POLG2: variants seen among roughly 807,000 people sequenced by gnomAD.
The protein encoded by POLG2 is DNA polymerase gamma 2, accessory subunit, also known as DNA polymerase subunit gamma-2.
A neutral mutation model predicts 56.5 loss-of-function variants in POLG2; 50 were observed. The observed-to-expected ratio is 0.88, with a 90% CI of 0.71 to 1.12. The LOEUF is 1.12. Among genes scored for constraint, POLG2 ranks in the 50% most tolerant of loss-of-function variants. The pLI, the probability that POLG2 is intolerant of heterozygous loss-of-function variation, is 0.00. For missense variants in POLG2, 584 were observed against 583.3 expected, an observed-to-expected ratio of 1.00 and a Z score of -0.01; for synonymous variants, 226 against 222.6, an observed-to-expected ratio of 1.02 and a Z score of -0.14.
intron 7 of POLG2, among the ~76,000 whole-genome samples, chr17:64,478,206 T>C (rs1204079530): frequency 6.6e-6 from 1 of 152,172 alleles, no homozygotes; most frequent in Non-Finnish European, 1.5e-5. Context: ...TGAAAAGTCA[T>C]AAAAGAAAAT....
chr17:64,490,607 A>C, intron 4 of POLG2, 189 bp downstream of exon 4: 1 of 607,700 alleles, frequency 1.6e-6, no homozygotes, highest in Non-Finnish European at 2.9e-6. Flanking sequence ...GCTCTGTGGC[A>C]ATAGTGGATT....
chr17:64,485,349 A>C (rs2037932707), intron 5 of POLG2: 1 of 214,534 alleles, frequency 4.7e-6, no homozygotes, highest in Non-Finnish European at 9.4e-6. Context: ...GAAGCCAGAC[A>C]CCTGGGGCAG....
chr17:64,484,502 T>G (rs2144150117), intron 5 of POLG2, among the ~76,000 whole-genome samples: 1 of 152,212 alleles, frequency 6.6e-6, no homozygotes, highest in Non-Finnish European at 1.5e-5. Context: ...CCTGGAGTGT[T>G]CTGAGCAAAG....
intron 3 of POLG2, chr17:64,491,677 T>C: frequency 8.1e-7 from 1 of 1,227,972 alleles, no homozygotes; most frequent in Non-Finnish European, 1.2e-6. Flanking sequence ...TACATCAACG[T>C]GAAGAAGGGG....
At position 64,480,390 on chromosome 17, in the gene POLG2, C is replaced by T; in HGVS notation, c.1192-1G>A. On this transcript the variant is annotated splice_acceptor_variant, in intron 6 of 7. Coordinates refer to ENST00000539111, the MANE Select transcript of POLG2 (RefSeq NM_007215.4). LOFTEE classifies it high-confidence loss of function. ...ACTCATTAAATAGCCCTTGACAAAC[C>T]TAGAAAGAAATAGAAAAACTTCAAA... 1 of 1,480,974 alleles carries T rather than the reference C, an allele frequency of 6.8e-7. No individual in the cohort carries two copies. The highest frequency in any genetic ancestry group is 9.4e-7 in the Non-Finnish European group (1 of 1,062,080). 91.7% of individuals were successfully genotyped at this position (1,480,974 alleles called of 1,614,324 possible). A position where few individuals can be genotyped will look rare whatever the true frequency, so the allele number is the denominator to read the frequency against.
At chr17:64,485,606 T>G in intron 5 of POLG2, 122 bp downstream of exon 5, 1 of 822,682 alleles carries the variant, frequency 1.2e-6, no homozygotes, top group East Asian at 2.5e-5. Context: ...GAAAAATACT[T>G]AGACTACATG....
chr17:64,478,001 T>C lies in POLG2; in HGVS notation c.1293-13A>G, dbSNP rs782245350. 1.1e-5 allele frequency: 18 copies of C among 1,612,676 alleles called. No individual in the cohort carries two copies. Among genetic ancestry groups the C allele is most frequent in the African/African-American group, 1.3e-5 (1 of 74,994 alleles). Reference sequence around the variant, plus strand: ...CATTTCATCATACCTAAGAAAAAAGTAGTTAAACAGACACATGAGCACAAA... The same window carrying C: ...CATTTCATCATACCTAAGAAAAAAGCAGTTAAACAGACACATGAGCACAAA... On this transcript the variant is annotated splice_polypyrimidine_tract_variant and intron_variant, in intron 7 of 7. Coordinates refer to ENST00000539111, the MANE Select transcript of POLG2 (RefSeq NM_007215.4).
chr17:64,482,118 T>C (rs1372933636), intron 6 of POLG2, among the ~76,000 whole-genome samples: 11 of 145,680 alleles, frequency 7.6e-5, no homozygotes, highest in African/African-American at 2.6e-4. Context: ...TTTTTTTTTT[T>C]TCTGAAGCAG....
intron 1 of POLG2, 80 bp downstream of exon 1, chr17:64,496,327 T>C (rs1367175553): frequency 4.5e-6 from 4 of 891,176 alleles, no homozygotes; most frequent in African/African-American, 3.4e-5. Context: ...ACAGGGCCAG[T>C]TGCAATCCCC....
chr17:64,490,971 T>C lies in POLG2; in HGVS notation c.796-2A>G, dbSNP rs2144187906. ...GAAGTTAGATGGACTCATGGCAAAC[T>C]GGAAAAGAAAATTTAAGTTTGTCTT... On this transcript the variant is annotated splice_acceptor_variant, in intron 3 of 7. Transcript: ENST00000539111. LOFTEE classifies it high-confidence loss of function. The C allele has an allele frequency of 6.2e-7, 1 of 1,611,372 alleles. No individual in the cohort carries two copies. The highest frequency in any genetic ancestry group is 8.5e-7 in the Non-Finnish European group (1 of 1,177,516).
chr17:64,480,559 G>A lies in POLG2; in HGVS notation c.1192-170C>T, dbSNP rs539235564. Among the ~76,000 whole-genome samples the A allele has an allele frequency of 1.2e-4, 18 of 152,238 alleles. No homozygotes were observed. The South Asian group carries it at 2.9e-3, about 25-fold the overall frequency. ...TTCCATATCATATACTTTATAAATC[G>A]TATACTTCTTCTGAAAATGAAGTAA... On this transcript the variant is annotated intron_variant, in intron 6 of 7. Coordinates refer to ENST00000539111, the MANE Select transcript of POLG2 (RefSeq NM_007215.4).
At chr17:64,491,638 A>C (rs1555668481) in intron 3 of POLG2, 1 of 1,488,138 alleles carries the variant, frequency 6.7e-7, no homozygotes, top group Non-Finnish European at 9.3e-7. Flanking sequence ...GGAGCGTTTC[A>C]AAGAGGTTAC....
chr17:64,478,713 T>G (rs560717311), intron 7 of POLG2, among the ~76,000 whole-genome samples: 1 of 151,780 alleles, frequency 6.6e-6, no homozygotes, highest in East Asian at 1.9e-4. Context: ...CTGGCCAACA[T>G]AGTGAAACCC....
At chr17:64,491,713 T>C in intron 3 of POLG2, 1 of 947,918 alleles carries the variant, frequency 1.1e-6, no homozygotes, top group Non-Finnish European at 1.7e-6. Flanking sequence ...ACCATGGTGC[T>C]GGCAGGGTAC....
intron 1 of POLG2, among the ~76,000 whole-genome samples, chr17:64,494,327 T>C (rs2038114349): frequency 6.6e-6 from 1 of 152,208 alleles, no homozygotes; most frequent in African/African-American, 2.4e-5. Flanking sequence ...ATGAGGAACA[T>C]GTTATCAAAT....
At chr17:64,494,631 A>C (rs1272590009) in intron 1 of POLG2, among the ~76,000 whole-genome samples, 2 of 151,554 alleles carry the variant, frequency 1.3e-5, no homozygotes, top group African/African-American at 2.4e-5. Flanking sequence ...AATACTATTG[A>C]CTCTTAGATT....
At chr17:64,494,196 G>A (rs1294710265) in intron 1 of POLG2, among the ~76,000 whole-genome samples, 1 of 152,078 alleles carries the variant, frequency 6.6e-6, no homozygotes, top group African/African-American at 2.4e-5. Flanking sequence ...GTGAGTCCAG[G>A]TTAGTCATAG....
chr17:64,481,512 A>C (rs1338275968), intron 6 of POLG2: 1 of 544,316 alleles, frequency 1.8e-6, no homozygotes, highest in African/African-American at 2.0e-5. Flanking sequence ...AGAACAAATT[A>C]GAAAAATCAA....
At chr17:64,481,448 T>C in intron 6 of POLG2, 6 of 983,712 alleles carry the variant, frequency 6.1e-6, no homozygotes, top group Non-Finnish European at 7.2e-6. Context: ...AAGGAGTCTC[T>C]GGAACGAAAT....
Sources: allele counts gnomAD v4.1 joint callset (sites outside exome capture counted in the v4.1 genomes callset), GRCh38; gene constraint gnomAD v4.1.1; transcripts MANE v1.5; gene names NCBI Gene and HGNC (gene_info 2026-07-23, HGNC 2026-07-21).